DPYD: variants seen among roughly 807,000 people sequenced by gnomAD.
DPYD encodes dihydropyrimidine dehydrogenase [NADP(+)].
Under a neutral mutation model 116.2 loss-of-function variants are expected in DPYD, and 109 were observed. The ratio of observed to expected loss-of-function variants is 0.94; its 90% CI spans 0.80 to 1.10. The LOEUF (loss-of-function observed/expected upper bound fraction) is 1.10, where lower values mean the gene tolerates loss of function less well. Ranked by LOEUF, DPYD falls within the 50% of genes least tolerant of loss-of-function variation. DPYD has a pLI of 0.00. For synonymous variants in DPYD, 440 were observed against 432.0 expected (o/e 1.02, Z -0.23); for missense variants, 1,302 against 1,254.5 (o/e 1.04, Z -0.57).
intron 13 of DPYD, among the ~76,000 whole-genome samples, chr1:97,508,063 G>A (rs1317419815): frequency 6.6e-6 from 1 of 151,966 alleles, no homozygotes; most frequent in Non-Finnish European, 1.5e-5. Context: ...TCTTGGCACT[G>A]GGCATGCTGT....
intron 2 of DPYD, among the ~76,000 whole-genome samples, chr1:97,874,469 T>C (rs1671807284): frequency 6.6e-6 from 1 of 151,872 alleles, no homozygotes; most frequent in Non-Finnish European, 1.5e-5. Flanking sequence ...CAAATCAAGA[T>C]ACCATAAGCA....
chr1:97,643,831 T>A lies in DPYD; in HGVS notation c.850+35264A>T, dbSNP rs1330274319. The stretch of plus-strand genomic sequence containing the variant: ...CATCATTCTCAGCAAACTAACACAG[T>A]AACAGAAAACCGAACACTGCATGTT... On this transcript the variant is annotated intron_variant, in intron 8 of 22. Transcript: ENST00000370192. Among the ~76,000 whole-genome samples, 4 of 151,814 alleles carry A rather than the reference T, an allele frequency of 2.6e-5. 1 individual carries two copies. The highest frequency in any genetic ancestry group is 6.6e-5 in the Admixed American group (1 of 15,218).
intron 12 of DPYD, chr1:97,545,971 A>T: frequency 7.7e-7 from 1 of 1,300,134 alleles, no homozygotes; most frequent in Non-Finnish European, 1.1e-6. Context: ...GAAGATGAAA[A>T]ATATGAAGAG....
intron 13 of DPYD, among the ~76,000 whole-genome samples, chr1:97,491,673 T>G (rs903400171): frequency 6.6e-6 from 1 of 152,044 alleles, no homozygotes; most frequent in Non-Finnish European, 1.5e-5. Context: ...TTAACTAAAA[T>G]TTCAACAAAT....
At chr1:97,846,999 A>C (rs1670331811) in intron 2 of DPYD, among the ~76,000 whole-genome samples, 1 of 152,218 alleles carries the variant, frequency 6.6e-6, no homozygotes, top group Non-Finnish European at 1.5e-5. Flanking sequence ...CCCAGGTATC[A>C]TTTTTAGCTA....
chr1:97,808,164 T>C (rs942818440), intron 3 of DPYD, among the ~76,000 whole-genome samples: 36 of 152,272 alleles, frequency 2.4e-4, no homozygotes, highest in African/African-American at 8.7e-4. Flanking sequence ...TCCTGATATT[T>C]TGATTGTAAT....
At chr1:97,920,567 G>C (rs1342430864) in intron 1 of DPYD, among the ~76,000 whole-genome samples, 4 of 152,154 alleles carry the variant, frequency 2.6e-5, no homozygotes, top group African/African-American at 7.2e-5. Flanking sequence ...CACCTCTCTG[G>C]AACTCCAGTG....
chr1:97,747,110 T>C (rs1012941719), intron 3 of DPYD, among the ~76,000 whole-genome samples: 1 of 152,038 alleles, frequency 6.6e-6, no homozygotes, highest in Non-Finnish European at 1.5e-5. Context: ...ACTGAATTCT[T>C]AAAACTGAAC....
chr1:97,125,708 A>T (rs1652782352), intron 20 of DPYD, among the ~76,000 whole-genome samples: 1 of 152,094 alleles, frequency 6.6e-6, no homozygotes, highest in South Asian at 2.1e-4. Flanking sequence ...TAATGCCTTC[A>T]TAAAAAAGAT....
intron 14 of DPYD, among the ~76,000 whole-genome samples, chr1:97,407,343 CA>C (rs1673718220): frequency 6.6e-6 from 1 of 152,070 alleles, no homozygotes. Context: ...AATTCTATGT[CA>C]ATACTTATTT....
intron 6 of DPYD, among the ~76,000 whole-genome samples, chr1:97,696,413 A>T (rs2100964453): frequency 6.6e-6 from 1 of 152,256 alleles, no homozygotes; most frequent in East Asian, 1.9e-4. Context: ...GCAGATATGG[A>T]TTTTTAAGAA....
chr1:97,154,520 G>T (rs1655287100), intron 20 of DPYD, among the ~76,000 whole-genome samples: 1 of 151,006 alleles, frequency 6.6e-6, no homozygotes, highest in Non-Finnish European at 1.5e-5. Flanking sequence ...ACTTTGGGAG[G>T]TTGAGGTGGG....
chr1:97,174,669 A>G (rs1401820969), intron 20 of DPYD, among the ~76,000 whole-genome samples: 3 of 152,146 alleles, frequency 2.0e-5, no homozygotes, highest in Non-Finnish European at 4.4e-5. Flanking sequence ...TGTCTTTAGT[A>G]TTTCTTATAT....
At chr1:97,186,592 T>C (rs1293229211) in intron 20 of DPYD, among the ~76,000 whole-genome samples, 1 of 152,204 alleles carries the variant, frequency 6.6e-6, no homozygotes, top group African/African-American at 2.4e-5. Flanking sequence ...CTCATGCTTG[T>C]AAGCCCAGAA....
chr1:97,761,929 A>G (rs938435872), intron 3 of DPYD, among the ~76,000 whole-genome samples: 3 of 152,138 alleles, frequency 2.0e-5, no homozygotes, highest in Non-Finnish European at 4.4e-5. Context: ...ACTACATGCT[A>G]TCACTTATAA....
chr1:97,575,956 G>C (rs1450799091), intron 10 of DPYD, among the ~76,000 whole-genome samples: 2 of 151,898 alleles, frequency 1.3e-5, no homozygotes, highest in Non-Finnish European at 2.9e-5. Context: ...ATATCACTTA[G>C]AAATAAGATT....
At chr1:97,090,419 C>T (rs1365698486) in intron 21 of DPYD, among the ~76,000 whole-genome samples, 11 of 152,150 alleles carry the variant, frequency 7.2e-5, no homozygotes, top group Non-Finnish European at 1.5e-4. Flanking sequence ...CATAATAGCA[C>T]AGAGGGTTAT....
intron 16 of DPYD, among the ~76,000 whole-genome samples, chr1:97,346,886 T>C (rs1669878550): frequency 6.6e-6 from 1 of 151,912 alleles, no homozygotes; most frequent in African/African-American, 2.4e-5. Context: ...CAAGTTAATA[T>C]ATGTTAAGTG....
chr1:97,724,296 GGGGGGGGGGGGGTGT>G (rs1305314384), intron 4 of DPYD, among the ~76,000 whole-genome samples: 27 of 137,858 alleles, frequency 2.0e-4, no homozygotes, highest in African/African-American at 6.5e-4. Context: ...ATGTATGTGG[GGGGGGGGGGGGGTGT>G]GTGTGTGTGT....
Sources: gnomAD v4.1 joint callset for allele counts (sites outside exome capture counted in the v4.1 genomes callset) on GRCh38, gnomAD v4.1.1 for gene constraint, MANE v1.5 for transcripts, NCBI Gene and HGNC (gene_info 2026-07-23, HGNC 2026-07-21) for gene names.